The following GNG7 variants were observed in gnomAD, a reference collection of about 807,000 sequenced individuals.
The protein encoded by GNG7 is G protein subunit gamma 7, also known as guanine nucleotide-binding protein G(I)/G(S)/G(O) subunit gamma-7.
A neutral mutation model predicts 4.0 loss-of-function variants in GNG7; 1 was observed. The ratio of observed to expected loss-of-function variants is 0.25; its 90% CI spans 0.09 to 1.18. The LOEUF (loss-of-function observed/expected upper bound fraction) is 1.18, where lower values mean the gene tolerates loss of function less well. Ranked by LOEUF, GNG7 falls within the 50% of genes most tolerant of loss-of-function variation. GNG7 has a pLI of 0.50. For synonymous variants in GNG7, 34 were observed against 36.9 expected (o/e 0.92, Z 0.29); for missense variants, 86 against 91.9 (o/e 0.94, Z 0.26).
chr19:2,699,147 C>CTTTT (rs371884402), intron 1 of GNG7, among the ~76,000 whole-genome samples: 2 of 128,518 alleles, frequency 1.6e-5, no homozygotes, highest in Non-Finnish European at 3.3e-5. Flanking sequence ...AAGGAGTAGC[C>CTTTT]TTTTTTTTTT....
intron 1 of GNG7, among the ~76,000 whole-genome samples, chr19:2,647,494 C>T (rs1185875926): frequency 1.3e-5 from 2 of 152,168 alleles, no homozygotes; most frequent in African/African-American, 4.8e-5. Flanking sequence ...AGGCCTCATG[C>T]GGAGTCCAGG....
At position 2,612,019 on chromosome 19, in the gene GNG7, C is replaced by G. The variant is rs1222645193; in HGVS notation, c.-78+34205G>C. ...CTCCCCAAGTAGCTGGAACTACAGG[C>G]ACCCGCCACCACGCCCAGCTAATTT... is the stretch of plus-strand genomic sequence containing the variant. On this transcript the variant is annotated intron_variant, in intron 2 of 4. Coordinates refer to ENST00000382159, the MANE Select transcript of GNG7 (RefSeq NM_052847.3). 4.6e-5 allele frequency among the ~76,000 whole-genome samples: 7 copies of G among 151,860 alleles called. No homozygotes were observed. The East Asian group carries it at 1.4e-3, about 29-fold the overall frequency.
At chr19:2,673,454 A>G (rs1336658286) in intron 1 of GNG7, among the ~76,000 whole-genome samples, 3 of 152,034 alleles carry the variant, frequency 2.0e-5, no homozygotes, top group African/African-American at 7.2e-5. Flanking sequence ...GCACTTTGGG[A>G]GGCCGAGGCG....
intron 1 of GNG7, among the ~76,000 whole-genome samples, chr19:2,679,042 A>G (rs572106125): frequency 2.0e-5 from 3 of 152,276 alleles, no homozygotes; most frequent in Admixed American, 1.3e-4. Context: ...CAACATAAGT[A>G]ACATATAGTA....
intron 2 of GNG7, among the ~76,000 whole-genome samples, chr19:2,576,841 C>T (rs913756822): frequency 1.3e-5 from 2 of 152,064 alleles, no homozygotes; most frequent in Non-Finnish European, 2.9e-5. Context: ...GCAGCATCAC[C>T]CTGGCTAATT....
At chr19:2,517,962 C>T (rs1014070334) in intron 4 of GNG7, among the ~76,000 whole-genome samples, 8 of 152,180 alleles carry the variant, frequency 5.3e-5, no homozygotes, top group Admixed American at 1.3e-4. Context: ...AGAGTGAGCC[C>T]GCCGGCTGCG....
intron 1 of GNG7, among the ~76,000 whole-genome samples, chr19:2,675,778 C>T (rs925359261): frequency 2.0e-5 from 3 of 152,258 alleles, no homozygotes; most frequent in Admixed American, 2.0e-4. Flanking sequence ...AGGGACACTG[C>T]TCAGCACCCT....
At chr19:2,669,066 T>C (rs770065510) in intron 1 of GNG7, among the ~76,000 whole-genome samples, 10 of 152,050 alleles carry the variant, frequency 6.6e-5, no homozygotes, top group Non-Finnish European at 1.2e-4. Flanking sequence ...TGAAACGAGG[T>C]AAAGTCAGCT....
intron 1 of GNG7, among the ~76,000 whole-genome samples, chr19:2,651,448 C>T (rs1264720276): frequency 7.0e-6 from 1 of 143,636 alleles, no homozygotes; most frequent in Non-Finnish European, 1.5e-5. Context: ...TCCTGCCTTC[C>T]TTTCCTCCCT....
intron 1 of GNG7, among the ~76,000 whole-genome samples, chr19:2,664,066 G>T (rs530322984): frequency 1.1e-3 from 160 of 152,330 alleles, no homozygotes; most frequent in African/African-American, 3.6e-3. Context: ...GACAGCCAGG[G>T]ACCTGACATT....
intron 3 of GNG7, among the ~76,000 whole-genome samples, chr19:2,521,612 G>GTT (rs71178284): frequency 0.29 from 29,800 of 103,774 alleles, 5,236 homozygotes; most frequent in East Asian, 0.48. Flanking sequence ...CCCCCTCCGT[G>GTT]TTTTTTTTTT....
chr19:2,604,129 C>A (rs189451231), intron 2 of GNG7, among the ~76,000 whole-genome samples: 11 of 151,802 alleles, frequency 7.2e-5, no homozygotes, highest in African/African-American at 2.7e-4. Context: ...GGATTACAGG[C>A]GTGAGCCACC....
At position 2,546,104 on chromosome 19, in the gene GNG7, C is replaced by A. The variant is rs890195487; in HGVS notation, c.-38+9045G>T. Among the ~76,000 whole-genome samples the A allele has an allele frequency of 2.1e-4, 32 of 152,218 alleles. No individual in the cohort carries two copies. Among genetic ancestry groups the A allele is most frequent in the Non-Finnish European group, 2.1e-4 (14 of 68,040 alleles). ...TGGCAGCTGGGATGCAGGCCCCCCACGGCCTGCCATGTTCTCACCAGGACG... is the reference window on the plus strand; with the variant it reads ...TGGCAGCTGGGATGCAGGCCCCCCAAGGCCTGCCATGTTCTCACCAGGACG... On this transcript the variant is annotated intron_variant, in intron 3 of 4. Transcript: ENST00000382159. The surrounding 1 kb of genome is among the most constrained non-coding windows in gnomAD (Gnocchi z 6.3).
intron 3 of GNG7, among the ~76,000 whole-genome samples, chr19:2,535,075 C>CT (rs1050763381): frequency 1.3e-5 from 2 of 152,192 alleles, no homozygotes; most frequent in African/African-American, 4.8e-5. Flanking sequence ...TTACAACAAT[C>CT]TTGGAGCCAG....
intron 3 of GNG7, among the ~76,000 whole-genome samples, chr19:2,554,474 G>A (rs1210154926): frequency 6.7e-6 from 1 of 149,854 alleles, no homozygotes; most frequent in Non-Finnish European, 1.5e-5. Context: ...CTCCTGAGTA[G>A]CTGGGACTAC....
intron 3 of GNG7, among the ~76,000 whole-genome samples, chr19:2,547,083 C>G (rs1055231869): frequency 1.3e-5 from 2 of 151,576 alleles, no homozygotes; most frequent in East Asian, 1.9e-4. Context: ...TGCCCCCCCC[C>G]CAGAAAACTC....
chr19:2,571,588 CTTTTTTT>C (rs779497111), intron 2 of GNG7, among the ~76,000 whole-genome samples: 95 of 68,022 alleles, frequency 1.4e-3, no homozygotes, highest in African/African-American at 4.3e-3. Flanking sequence ...CATTTCTTTC[CTTTTTTT>C]TTTTTTTTTT....
intron 1 of GNG7, among the ~76,000 whole-genome samples, chr19:2,664,848 T>C (rs922418640): frequency 6.6e-6 from 1 of 152,168 alleles, no homozygotes; most frequent in African/African-American, 2.4e-5. Flanking sequence ...GCAGTGTCCC[T>C]GGCCTCCACC....
chr19:2,622,374 C>T (rs1044039269), intron 2 of GNG7, among the ~76,000 whole-genome samples: 4 of 152,260 alleles, frequency 2.6e-5, no homozygotes, highest in African/African-American at 7.2e-5. Context: ...CCACCGCGCC[C>T]GGCTCCTGGT....
Sources: gnomAD v4.1 joint callset for allele counts (sites outside exome capture counted in the v4.1 genomes callset) on GRCh38, gnomAD v4.1.1 for gene constraint, Gnocchi (gnomAD v3.1) non-coding constraint, MANE v1.5 for transcripts, NCBI Gene and HGNC (gene_info 2026-07-23, HGNC 2026-07-21) for gene names.